Variants in SLC24A3 observed in about 807,000 individuals in gnomAD.
SLC24A3 encodes solute carrier family 24 member 3.
SLC24A3 carries 28 observed loss-of-function variants against 75.8 expected under a neutral mutation model. The observed-to-expected ratio is 0.37, with a 90% CI of 0.27 to 0.51. The LOEUF (loss-of-function observed/expected upper bound fraction) is 0.51, where lower values mean the gene tolerates loss of function less well. Ranked by LOEUF, SLC24A3 falls within the 20% of genes least tolerant of loss-of-function variation. The pLI, the probability that SLC24A3 is intolerant of heterozygous loss-of-function variation, is 0.94. For synonymous variants in SLC24A3, 372 were observed against 334.1 expected, an observed-to-expected ratio of 1.11 and a Z score of -1.24; for missense variants, 663 against 847.8, an observed-to-expected ratio of 0.78 and a Z score of 2.71.
chr20:19,334,951 G>C (rs1207486964), intron 2 of SLC24A3, among the ~76,000 whole-genome samples: 1 of 152,146 alleles, frequency 6.6e-6, no homozygotes, highest in African/African-American at 2.4e-5. Context: ...CCTCTGCTGT[G>C]CCATATGCAG....
At position 19,493,223 on chromosome 20, in the gene SLC24A3, C is replaced by A. The variant is rs1003279980; in HGVS notation, c.272-22265C>A. Among the ~76,000 whole-genome samples, 5 of 152,286 alleles carry A rather than the reference C, an allele frequency of 3.3e-5. No homozygotes were observed. The South Asian group carries it at 1.0e-3, about 32-fold the overall frequency. ...TATCTCAATGACTGTCATTTCCATCCCCTTGAGTTGGTCACATGAGCAGTC... is the reference window on the plus strand; with the variant it reads ...TATCTCAATGACTGTCATTTCCATCACCTTGAGTTGGTCACATGAGCAGTC... On this transcript the variant is annotated intron_variant, in intron 2 of 16. Coordinates refer to ENST00000328041, the MANE Select transcript of SLC24A3 (RefSeq NM_020689.4).
At chr20:19,530,995 C>G (rs1460101014) in intron 3 of SLC24A3, among the ~76,000 whole-genome samples, 1 of 152,136 alleles carries the variant, frequency 6.6e-6, no homozygotes, top group Non-Finnish European at 1.5e-5. Flanking sequence ...CCATTGTCCC[C>G]AAAATAATAA....
intron 4 of SLC24A3, among the ~76,000 whole-genome samples, chr20:19,581,999 C>T (rs1389222655): frequency 2.6e-5 from 4 of 152,248 alleles, no homozygotes; most frequent in Non-Finnish European, 5.9e-5. Context: ...TGCCCCGTGC[C>T]TGTCTCCTGG....
chr20:19,688,622 G>A (rs1418743696), intron 12 of SLC24A3, among the ~76,000 whole-genome samples: 2 of 152,200 alleles, frequency 1.3e-5, no homozygotes, highest in Non-Finnish European at 2.9e-5. Context: ...CCTGTGGACT[G>A]AAAAAGATCC....
chr20:19,250,742 T>G (rs918588230), intron 1 of SLC24A3, among the ~76,000 whole-genome samples: 1 of 152,180 alleles, frequency 6.6e-6, no homozygotes, highest in Admixed American at 6.5e-5. Context: ...CCAAAACACT[T>G]TTTATAAGGG....
In SLC24A3 at chr20:19,681,227, A is replaced by G. The variant is rs116272802; in HGVS notation, c.768-631A>G. 9.8e-3 allele frequency among the ~76,000 whole-genome samples: 1,497 copies of G among 152,304 alleles called. 20 individuals are homozygous for G. Among genetic ancestry groups the G allele is most frequent in the African/African-American group, 0.034 (1,414 of 41,550 alleles). On this transcript the variant is annotated intron_variant, in intron 9 of 16. Coordinates refer to ENST00000328041, the MANE Select transcript of SLC24A3 (RefSeq NM_020689.4). The stretch of plus-strand genomic sequence containing the variant: ...TATTCACTTGATCATTCTGGAGGAT[A>G]ATAGCCTAGAATTTTTTCATAAAGC...
At position 19,359,765 on chromosome 20, in the gene SLC24A3, T is replaced by C. The variant is rs561961842; in HGVS notation, c.271+78678T>C. Among the ~76,000 whole-genome samples the C allele has an allele frequency of 1.4e-4, 22 of 152,270 alleles. No individual in the cohort carries two copies. In the South Asian group the frequency reaches 4.4e-3, roughly 30 times the overall value. On this transcript the variant is annotated intron_variant, in intron 2 of 16. Transcript: ENST00000328041. ...GACTGTTTGGAGACAGGACTGGTCC[T>C]TTGGGGATGGCTTAGTTAGGGTCCA...
At chr20:19,692,749 C>A (rs1026965744) in intron 12 of SLC24A3, among the ~76,000 whole-genome samples, 8 of 152,104 alleles carry the variant, frequency 5.3e-5, no homozygotes. Context: ...GCCTTCAAAT[C>A]CTCTTTGAAG....
chr20:19,605,328 A>AT (rs11087289), intron 6 of SLC24A3, among the ~76,000 whole-genome samples: 7 of 151,540 alleles, frequency 4.6e-5, no homozygotes, highest in South Asian at 4.2e-4. Flanking sequence ...TTCTCCTGTG[A>AT]TTTTTTTTTT....
rs1981443494 is a variant in SLC24A3, at chr20:19,212,887, C to G, written c.45C>G (p.Arg15=). ...GDEDRARRRR[R]RRRRRDLLLS... ...AGGACCGCGCGCGTCGCCGCCGCCG[C>G]CGCCGCCGCCGGAGGGACCTTCTGC... The change falls in exon 1 of 17, where the codon CGC becomes CGG. Residue 15 remains arginine, a synonymous_variant. Coordinates refer to ENST00000328041, the MANE Select transcript of SLC24A3 (RefSeq NM_020689.4). The G allele has an allele frequency of 7.7e-7, 1 of 1,297,120 alleles. No individual in the cohort carries two copies. The highest frequency in any genetic ancestry group is 9.8e-7 in the Non-Finnish European group (1 of 1,017,946). 80.4% of individuals were successfully genotyped at this position (1,297,120 alleles called of 1,614,324 possible).
chr20:19,226,669 C>T (rs992808822), intron 1 of SLC24A3, among the ~76,000 whole-genome samples: 1 of 152,100 alleles, frequency 6.6e-6, no homozygotes, highest in Non-Finnish European at 1.5e-5. Flanking sequence ...TGTACTGACT[C>T]CTTTAATCTC....
At chr20:19,507,090 A>G (rs570071634) in intron 2 of SLC24A3, among the ~76,000 whole-genome samples, 58 of 152,330 alleles carry the variant, frequency 3.8e-4, no homozygotes, top group Admixed American at 2.5e-3. Context: ...TTATGCATTT[A>G]TGTACTTTCA....
intron 3 of SLC24A3, among the ~76,000 whole-genome samples, chr20:19,537,737 A>T (rs2030424085): frequency 6.6e-6 from 1 of 152,176 alleles, no homozygotes; most frequent in African/African-American, 2.4e-5. Flanking sequence ...AGGGACATGG[A>T]TGAAGCTGGA....
chr20:19,680,112 C>G (rs1230126582), intron 9 of SLC24A3, among the ~76,000 whole-genome samples: 13 of 128,588 alleles, frequency 1.0e-4, no homozygotes, highest in Non-Finnish European at 1.6e-4. Flanking sequence ...GAGTGTGTGT[C>G]TGTGTCTGTG....
chr20:19,507,589 A>G (rs1366855315), intron 2 of SLC24A3, among the ~76,000 whole-genome samples: 1 of 152,234 alleles, frequency 6.6e-6, no homozygotes, highest in East Asian at 1.9e-4. Context: ...ATGGTGAGCC[A>G]GGCACTGGTT....
At chr20:19,638,313 A>G (rs539278974) in intron 6 of SLC24A3, among the ~76,000 whole-genome samples, 1 of 152,362 alleles carries the variant, frequency 6.6e-6, no homozygotes, top group South Asian at 2.1e-4. Flanking sequence ...AATAAGAACT[A>G]AAAGACTCCA....
At chr20:19,266,760 A>G (rs1983179279) in intron 1 of SLC24A3, among the ~76,000 whole-genome samples, 1 of 152,260 alleles carries the variant, frequency 6.6e-6, no homozygotes. Context: ...GGAGTATATC[A>G]ACAGAGCCTG....
intron 2 of SLC24A3, among the ~76,000 whole-genome samples, chr20:19,348,317 C>G (rs559050485): frequency 1.3e-5 from 2 of 152,262 alleles, no homozygotes; most frequent in South Asian, 4.2e-4. Context: ...AGGTTCTGTA[C>G]TCTCATTTTA....
chr20:19,593,707 C>T (rs1174477230), intron 6 of SLC24A3, among the ~76,000 whole-genome samples: 1 of 152,184 alleles, frequency 6.6e-6, no homozygotes, highest in Non-Finnish European at 1.5e-5. Context: ...CTCCCAGAGT[C>T]AGCTTAGACC....
Sources: allele counts gnomAD v4.1 joint callset (sites outside exome capture counted in the v4.1 genomes callset), GRCh38; gene constraint gnomAD v4.1.1; transcripts MANE v1.5; gene names NCBI Gene and HGNC (gene_info 2026-07-23, HGNC 2026-07-21).